The following WDR64 variants were observed in gnomAD, a reference collection of about 807,000 sequenced individuals.
WDR64 encodes WD repeat-containing protein 64.
In WDR64, 112 loss-of-function variants were observed where a neutral mutation model predicts 139.3. That is an observed-to-expected ratio of 0.80 (90% CI 0.69 to 0.94). The LOEUF (loss-of-function observed/expected upper bound fraction) is 0.94, where lower values mean the gene tolerates loss of function less well. Among genes scored for constraint, WDR64 ranks in the 40% least tolerant of loss-of-function variants. The pLI, the probability that WDR64 is intolerant of heterozygous loss-of-function variation, is 0.00. For synonymous variants in WDR64, 444 were observed against 437.7 expected, an observed-to-expected ratio of 1.01 and a Z score of -0.18; for missense variants, 1,206 against 1,293.1, an observed-to-expected ratio of 0.93 and a Z score of 1.03.
chr1:241,782,470 C>T (rs1285956760), intron 22 of WDR64, among the ~76,000 whole-genome samples: 1 of 152,150 alleles, frequency 6.6e-6, no homozygotes, highest in East Asian at 1.9e-4. Context: ...CATTACACTT[C>T]TAGGTAAATG....
chr1:241,658,284 G>GGTGGGT (rs1553360019), intron 1 of WDR64, among the ~76,000 whole-genome samples: 1 of 147,164 alleles, frequency 6.8e-6, no homozygotes, highest in East Asian at 2.0e-4. Flanking sequence ...TTCAAGCAAT[G>GGTGGGT]GTGTGTGTGT....
At chr1:241,769,019 C>A (rs1370514340) in intron 16 of WDR64, among the ~76,000 whole-genome samples, 1 of 152,162 alleles carries the variant, frequency 6.6e-6, no homozygotes, top group South Asian at 2.1e-4. Flanking sequence ...GTAATCCCAG[C>A]ACTTTGGGAG....
chr1:241,766,553 T>C (rs1294963111), intron 16 of WDR64, among the ~76,000 whole-genome samples: 1 of 152,086 alleles, frequency 6.6e-6, no homozygotes, highest in Admixed American at 6.5e-5. Context: ...ATACAAAAAG[T>C]AGCAGGGCGC....
At chr1:241,680,329 T>G (rs1358997691) in intron 6 of WDR64, among the ~76,000 whole-genome samples, 2 of 152,202 alleles carry the variant, frequency 1.3e-5, no homozygotes, top group Non-Finnish European at 1.5e-5. Flanking sequence ...AACCTTCTTT[T>G]GCTATTTGTT....
chr1:241,743,737 T>A (rs12074215), intron 12 of WDR64, among the ~76,000 whole-genome samples: 12,316 of 152,278 alleles, frequency 0.081, 1,710 homozygotes, highest in African/African-American at 0.28. Flanking sequence ...CTCTACTGTG[T>A]TTCCAGAGAG....
At position 241,652,349 on chromosome 1, in the gene WDR64, A is replaced by T. The variant is rs12561924; in HGVS notation, c.-136A>T. ...CTCTTACTCCTACCCGCACTATGGG[A>T]TTTTAAGATCAAAGGAATTAGACCT... On this transcript the variant is annotated 5_prime_UTR_variant, in exon 1 of 28. Coordinates refer to ENST00000437684, the MANE Select transcript of WDR64 (RefSeq NM_001367482.1). The T allele has an allele frequency of 0.037, 32,144 of 873,512 alleles. 746 individuals carry two copies. The highest frequency in any genetic ancestry group is 0.065 in the Admixed American group (2,244 of 34,272). The allele number at this position is 873,512 out of a possible 1,614,324, so 54.1% of individuals were successfully genotyped here.
Position 241,698,718 on chromosome 1 carries a change from T to A in WDR64, c.974+11123T>A, listed in dbSNP as rs1395269666. Reference sequence around the variant, plus strand: ...CTTTCTGTCCCCCAACCTCCAGAAATCTTTAAGGATCAGATGGTACCTACT... The same window carrying A: ...CTTTCTGTCCCCCAACCTCCAGAAAACTTTAAGGATCAGATGGTACCTACT... On this transcript the variant is annotated intron_variant, in intron 8 of 27. Coordinates refer to ENST00000437684, the MANE Select transcript of WDR64 (RefSeq NM_001367482.1). Among the ~76,000 whole-genome samples, 7 of 152,140 alleles carry A rather than the reference T, an allele frequency of 4.6e-5. No homozygotes were observed. The East Asian group carries it at 1.2e-3, about 25-fold the overall frequency.
intron 15 of WDR64, among the ~76,000 whole-genome samples, chr1:241,764,820 G>A (rs1236018840): frequency 1.3e-5 from 2 of 152,162 alleles, no homozygotes; most frequent in Admixed American, 1.3e-4. Flanking sequence ...CTGAAAGAAA[G>A]GAAGGAAAGA....
At chr1:241,666,167 T>A (rs1666018271) in intron 2 of WDR64, among the ~76,000 whole-genome samples, 1 of 152,140 alleles carries the variant, frequency 6.6e-6, no homozygotes, top group African/African-American at 2.4e-5. Context: ...AATATATATA[T>A]AAGTGATAAA....
intron 14 of WDR64, among the ~76,000 whole-genome samples, chr1:241,754,903 T>G (rs1261044878): frequency 3.3e-5 from 5 of 152,180 alleles, no homozygotes. Context: ...ATGAACTCAT[T>G]CTTTTTTTAT....
chr1:241,652,585 C>T lies in WDR64; in HGVS notation c.101C>T (p.Ala34Val), dbSNP rs1438826561. 1 of 1,551,640 alleles carries T rather than the reference C, an allele frequency of 6.4e-7. No homozygotes were observed. Among genetic ancestry groups the T allele is most frequent in the Admixed American group, 2.0e-5 (1 of 50,964 alleles). Residue 34 changes from alanine to valine, a missense_variant, in exon 1 of 28, where the codon GCC becomes GTC. Transcript: ENST00000437684. ...RFEKLVEQTA[A>V]QKRDERAGLF... is the part of the protein sequence containing the mutation. ...GAAAAATTGGTTGAACAAACAGCAG[C>T]CCAGAAAAGAGATGAAAGAGCAGGC...
intron 3 of WDR64, 49 bp downstream of exon 3, chr1:241,671,225 C>A: frequency 8.2e-7 from 1 of 1,225,584 alleles, no homozygotes. Flanking sequence ...TTAATATTTT[C>A]CTCAAGAATA....
intron 11 of WDR64, among the ~76,000 whole-genome samples, chr1:241,738,753 T>C (rs1669423262): frequency 6.6e-6 from 1 of 152,238 alleles, no homozygotes; most frequent in Non-Finnish European, 1.5e-5. Flanking sequence ...AAGAAAGTTC[T>C]ATTTGAGTAA....
chr1:241,744,273 G>C, intron 12 of WDR64, 120 bp from the exon 13 acceptor site: 1 of 1,233,920 alleles, frequency 8.1e-7, no homozygotes, highest in Non-Finnish European at 1.1e-6. Context: ...CAGAGCGCTA[G>C]GAAATGTGTT....
At chr1:241,684,750 G>A (rs187886497) in intron 7 of WDR64, among the ~76,000 whole-genome samples, 22 of 152,066 alleles carry the variant, frequency 1.4e-4, no homozygotes, top group East Asian at 1.9e-4. Flanking sequence ...TCACAGCTTC[G>A]CCTTGCCTTG....
chr1:241,684,934 T>G (rs137927580), intron 7 of WDR64, among the ~76,000 whole-genome samples: 2 of 152,108 alleles, frequency 1.3e-5, no homozygotes, highest in Admixed American at 1.3e-4. Flanking sequence ...AATTTTTGTA[T>G]TTTTAGTAGC....
chr1:241,733,491 A>AAAGAAAAGAAAAGAG (rs140945100), intron 10 of WDR64, among the ~76,000 whole-genome samples: 2 of 151,468 alleles, frequency 1.3e-5, no homozygotes, highest in Admixed American at 1.3e-4. Flanking sequence ...AAAGAAAAGA[A>AAAGAAAAGAAAAGAG]AAGAGAAGAG....
At chr1:241,706,131 T>C (rs2148160577) in intron 8 of WDR64, among the ~76,000 whole-genome samples, 1 of 152,376 alleles carries the variant, frequency 6.6e-6, no homozygotes, top group South Asian at 2.1e-4. Flanking sequence ...TGATTTTAAG[T>C]GCAACTAGAA....
At chr1:241,782,036 C>T (rs570956547) in intron 22 of WDR64, among the ~76,000 whole-genome samples, 3 of 152,334 alleles carry the variant, frequency 2.0e-5, no homozygotes, top group South Asian at 2.1e-4. Flanking sequence ...CCTGTAATCC[C>T]AGCACTTTGG....
Sources: allele counts gnomAD v4.1 joint callset (sites outside exome capture counted in the v4.1 genomes callset), GRCh38; gene constraint gnomAD v4.1.1; transcripts MANE v1.5; gene names NCBI Gene and HGNC (gene_info 2026-07-23, HGNC 2026-07-21).